CELF2: variants seen among roughly 807,000 people sequenced by gnomAD.
The protein encoded by CELF2 is CUG triplet repeat RNA-binding protein 2.
In CELF2, 8 loss-of-function variants were observed where a neutral mutation model predicts 62.6. The observed-to-expected ratio is 0.13, with a 90% CI of 0.07 to 0.23. The LOEUF (loss-of-function observed/expected upper bound fraction) is 0.23. Among genes scored for constraint, CELF2 ranks in the 10% least tolerant of loss-of-function variants. The probability of loss-of-function intolerance (pLI) is 1.00; values close to 1 mark genes in which losing one functional copy is unlikely to be tolerated. For synonymous variants in CELF2, 258 were observed against 250.0 expected (o/e 1.03, Z -0.30); for missense variants, 333 against 671.0 (o/e 0.50, Z 5.56).
the CELF2 span, among the ~76,000 whole-genome samples, chr10:10,580,194 A>G: frequency 5.3e-5 from 8 of 152,192 alleles, no homozygotes; most frequent in Non-Finnish European, 1.2e-4. Context: ...AAAGCTTATA[A>G]TCACTCCTGG....
At position 11,319,887 on chromosome 10, in the gene CELF2, C is replaced by T. The variant is rs1038711588; in HGVS notation, c.1097-1302C>T. 16 of 470,714 alleles carry T rather than the reference C, an allele frequency of 3.4e-5. No individual in the cohort carries two copies. Among genetic ancestry groups the T allele is most frequent in the African/African-American group, 1.8e-4 (9 of 50,024 alleles). 29.2% of individuals were successfully genotyped at this position (470,714 alleles called of 1,614,324 possible). On this transcript the variant is annotated intron_variant, in intron 10 of 12. Coordinates refer to ENST00000633077, the MANE Select transcript of CELF2 (RefSeq NM_001326342.2). The surrounding 1 kb of genome is among the most constrained non-coding windows in gnomAD (Gnocchi z 4.4). ...CCCACCTGCTCTGTTAGGGCAGTAGCGTTGCTGGGCGTGTGGAGGTCACTC... is the reference window on the plus strand; with the variant it reads ...CCCACCTGCTCTGTTAGGGCAGTAGTGTTGCTGGGCGTGTGGAGGTCACTC...
intron 1 of CELF2, among the ~76,000 whole-genome samples, chr10:11,059,872 A>G (rs2066291929): frequency 6.6e-6 from 1 of 152,250 alleles, no homozygotes; most frequent in Non-Finnish European, 1.5e-5. Flanking sequence ...CTTTGCATTT[A>G]AATTGCTGGA....
the CELF2 span, among the ~76,000 whole-genome samples, chr10:10,678,863 G>A: frequency 9.9e-5 from 15 of 152,066 alleles, no homozygotes; most frequent in South Asian, 4.1e-4. Flanking sequence ...GCACAAATGG[G>A]GTTTATGCTG....
At chr10:10,565,258 A>T in the CELF2 span, among the ~76,000 whole-genome samples, 1 of 152,164 alleles carries the variant, frequency 6.6e-6, no homozygotes, top group Non-Finnish European at 1.5e-5. Flanking sequence ...TTTTCTCCTT[A>T]ATTTTTCCAG....
chr10:10,580,638 C>T, the CELF2 span, among the ~76,000 whole-genome samples: 1 of 152,156 alleles, frequency 6.6e-6, no homozygotes, highest in Non-Finnish European at 1.5e-5. Context: ...AAGTTCCTGG[C>T]AGTTCTTTAA....
At chr10:10,497,175 T>A in the CELF2 span, among the ~76,000 whole-genome samples, 1 of 136,780 alleles carries the variant, frequency 7.3e-6, no homozygotes, top group Non-Finnish European at 1.5e-5. Flanking sequence ...ACAGAGCAAC[T>A]GAACAAGACT....
At chr10:10,597,100 A>G in the CELF2 span, among the ~76,000 whole-genome samples, 1 of 152,226 alleles carries the variant, frequency 6.6e-6, no homozygotes, top group African/African-American at 2.4e-5. Flanking sequence ...AAGTCTTGAA[A>G]ATAAAACTCC....
Position 11,191,307 on chromosome 10 carries a change from C to A in CELF2, c.271+25625C>A, listed in dbSNP as rs987397711. 2.0e-5 allele frequency among the ~76,000 whole-genome samples: 3 copies of A among 152,134 alleles called. No individual in the cohort carries two copies. Among genetic ancestry groups the A allele is most frequent in the Non-Finnish European group, 2.9e-5 (2 of 68,022 alleles). ...GCAGGAGTGGGAGTGTGGGAAGGGGCCATGCTCTGTTGATCTCAGCCAGTT... is the reference window on the plus strand; with the variant it reads ...GCAGGAGTGGGAGTGTGGGAAGGGGACATGCTCTGTTGATCTCAGCCAGTT... On this transcript the variant is annotated intron_variant, in intron 2 of 12. Transcript: ENST00000633077. This position sits in a 1 kb window ranked among gnomAD's most constrained non-coding sequence, Gnocchi z 4.1.
chr10:10,768,583 T>C, the CELF2 span, among the ~76,000 whole-genome samples: 1 of 151,716 alleles, frequency 6.6e-6, no homozygotes, highest in African/African-American at 2.4e-5. Context: ...TTTTCTTTTT[T>C]TTTTTTTTAA....
intron 1 of CELF2, among the ~76,000 whole-genome samples, chr10:11,134,581 T>C (rs1312196351): frequency 6.6e-6 from 1 of 152,240 alleles, no homozygotes; most frequent in Non-Finnish European, 1.5e-5. Context: ...GTACCAGGGC[T>C]GTTCTGTGGA....
At chr10:10,801,404 G>A (rs1054432578) in intron 1 of CELF2, among the ~76,000 whole-genome samples, 9 of 152,106 alleles carry the variant, frequency 5.9e-5, no homozygotes, top group Admixed American at 2.0e-4. Flanking sequence ...TTCATTTAAC[G>A]GTTTACTTGC....
intron 2 of CELF2, among the ~76,000 whole-genome samples, chr10:10,987,039 G>A (rs2052841773): frequency 6.6e-6 from 1 of 152,150 alleles, no homozygotes; most frequent in Non-Finnish European, 1.5e-5. Flanking sequence ...AGTCAGGCTT[G>A]GATAGACTAG....
At chr10:10,785,938 T>C in the CELF2 span, among the ~76,000 whole-genome samples, 1 of 152,222 alleles carries the variant, frequency 6.6e-6, no homozygotes, top group South Asian at 2.1e-4. Context: ...GCTAATGGGC[T>C]TGATTTAGCC....
chr10:10,742,045 A>T, the CELF2 span, among the ~76,000 whole-genome samples: 1 of 152,170 alleles, frequency 6.6e-6, no homozygotes, highest in Non-Finnish European at 1.5e-5. Context: ...TAATACTACC[A>T]TTATTTATTT....
At chr10:10,961,482 C>T (rs1388859762) in intron 2 of CELF2, among the ~76,000 whole-genome samples, 1 of 151,312 alleles carries the variant, frequency 6.6e-6, no homozygotes, top group Non-Finnish European at 1.5e-5. Flanking sequence ...CGGTGGCTTA[C>T]ATGCCTGTAA....
At chr10:10,748,575 T>C in the CELF2 span, among the ~76,000 whole-genome samples, 17 of 151,560 alleles carry the variant, frequency 1.1e-4, no homozygotes, top group South Asian at 2.1e-4. Flanking sequence ...AGTGAAACCC[T>C]GTCTCTACTA....
intron 1 of CELF2, among the ~76,000 whole-genome samples, chr10:11,086,405 G>A (rs1594918776): frequency 6.6e-6 from 1 of 152,030 alleles, no homozygotes; most frequent in East Asian, 1.9e-4. Context: ...GCTGCACGCT[G>A]CCTACCCGGG....
In CELF2 at chr10:10,957,717, G is replaced by A. The variant is rs2049055223; in HGVS notation, c.89+37718G>A. Among the ~76,000 whole-genome samples, 2 of 152,188 alleles carry A rather than the reference G, an allele frequency of 1.3e-5. No individual in the cohort carries two copies. The highest frequency in any genetic ancestry group is 4.8e-5 in the African/African-American group (2 of 41,454). On this transcript the variant is annotated intron_variant, in intron 2 of 13. Coordinates refer to the CELF2 transcript ENST00000636488. This position sits in a 1 kb window ranked among gnomAD's most constrained non-coding sequence, Gnocchi z 4.1. ...TCCTTGCTCACATGTCTTCAAAAGA[G>A]TTGGTAGCTGGTGAACAGAAACTGG...
At chr10:11,287,613 A>G (rs72775869) in intron 8 of CELF2, among the ~76,000 whole-genome samples, 16,031 of 152,324 alleles carry the variant, frequency 0.11, 945 homozygotes, top group Middle Eastern at 0.18. Context: ...AAATAAAACT[A>G]TTAAGGTGCA....
Sources: gnomAD v4.1 joint callset for allele counts (sites outside exome capture counted in the v4.1 genomes callset) on GRCh38, gnomAD v4.1.1 for gene constraint, Gnocchi (gnomAD v3.1) non-coding constraint, MANE v1.5 for transcripts, NCBI Gene and HGNC (gene_info 2026-07-23, HGNC 2026-07-21) for gene names.